NIN: variants seen among roughly 807,000 people sequenced by gnomAD.
NIN encodes the protein ninein.
A neutral mutation model predicts 257.6 loss-of-function variants in NIN; 137 were observed. The ratio of observed to expected loss-of-function variants is 0.53; its 90% CI spans 0.46 to 0.61. The LOEUF (loss-of-function observed/expected upper bound fraction) is 0.61, where lower values mean the gene tolerates loss of function less well. Among genes scored for constraint, NIN ranks in the 20% least tolerant of loss-of-function variants. The pLI is 0.00. For synonymous variants in NIN, 918 were observed against 919.8 expected (o/e 1.00, Z 0.04); for missense variants, 2,439 against 2,501.2 (o/e 0.98, Z 0.53).
At chr14:50,741,756 C>G (rs2041295553) in intron 24 of NIN, 28 bp from the exon 25 acceptor site, 1 of 1,607,814 alleles carries the variant, frequency 6.2e-7, no homozygotes, top group African/African-American at 1.3e-5. Flanking sequence ...TCTTTTACTG[C>G]TACACAAACT....
Position 50,777,088 on chromosome 14 carries a change from G to A in NIN, c.527C>T (p.Ser176Phe). 6.2e-7 allele frequency: 1 copy of A among 1,614,084 alleles called. No homozygotes were observed. Residue 176 changes from serine to phenylalanine, a missense_variant, in exon 7 of 31, where the codon TCT becomes TTT. Physicochemically the swap from Ser to Phe is radical, Grantham distance 155. Transcript: ENST00000530997. The stretch of plus-strand genomic sequence containing the variant: ...TTCTATCCAGTCTTGGGGAGGGGAA[G>A]ATCCACTCTGTGAAGCATTCAAGTC... Reference protein sequence around the residue: ...PDDLNASQSGSSPPQDWIEEK... With the variant: ...PDDLNASQSGFSPPQDWIEEK...
At chr14:50,759,557 G>C (rs907169027) in intron 17 of NIN, among the ~76,000 whole-genome samples, 9 of 151,140 alleles carry the variant, frequency 6.0e-5, no homozygotes, top group African/African-American at 9.8e-5. Context: ...GCAGTAGCGC[G>C]ATCTCGGCTC....
chr14:50,761,733 C>T lies in NIN; in HGVS notation c.1896+57G>A, dbSNP rs1204333422. Reference sequence around the variant, plus strand: ...AAAAGAATTGGAAATGCCCTACACACATAAGCCTGTCAGAGCCAAAAGAAA... The same window carrying T: ...AAAAGAATTGGAAATGCCCTACACATATAAGCCTGTCAGAGCCAAAAGAAA... On this transcript the variant is annotated intron_variant, in intron 16 of 30. Coordinates refer to ENST00000530997, the MANE Select transcript of NIN (RefSeq NM_020921.4). The T allele has an allele frequency of 2.5e-6, 4 of 1,602,496 alleles. No individual in the cohort carries two copies. The South Asian group carries it at 3.3e-5, about 13-fold the overall frequency.
At chr14:50,795,671 T>C (rs2043806988) in intron 4 of NIN, among the ~76,000 whole-genome samples, 1 of 152,232 alleles carries the variant, frequency 6.6e-6, no homozygotes, top group East Asian at 1.9e-4. Context: ...ATCTTATCTA[T>C]GTCAGATAAC....
rs1031012981 is a variant in NIN at position 50,814,485 on chromosome 14, G to A, written c.183+7389C>T. ...CCACCTTCATCACAGTCTTGTAAGG[G>A]AAATAGTCTTCCCATTACACTGATG... On this transcript the variant is annotated intron_variant, in intron 3 of 30. Coordinates refer to ENST00000530997, the MANE Select transcript of NIN (RefSeq NM_020921.4). 2.0e-5 allele frequency among the ~76,000 whole-genome samples: 3 copies of A among 152,284 alleles called. No homozygotes were observed. The South Asian group carries it at 6.2e-4, about 32-fold the overall frequency.
intron 12 of NIN, among the ~76,000 whole-genome samples, chr14:50,770,096 G>T (rs1415558877): frequency 6.6e-6 from 1 of 152,194 alleles, no homozygotes; most frequent in Non-Finnish European, 1.5e-5. Flanking sequence ...AGCAGCGGGA[G>T]GAATCAAGGG....
chr14:50,826,089 T>C (rs1281532556), intron 2 of NIN, among the ~76,000 whole-genome samples: 1 of 152,258 alleles, frequency 6.6e-6, no homozygotes, highest in East Asian at 1.9e-4. Context: ...CACTTAAGTA[T>C]GTATAATCTG....
chr14:50,740,443 G>C (rs534685362), intron 25 of NIN, among the ~76,000 whole-genome samples: 3 of 152,264 alleles, frequency 2.0e-5, no homozygotes, highest in Non-Finnish European at 2.9e-5. Context: ...AGCCCTCCCG[G>C]GTTCAAGCGA....
At chr14:50,808,941 C>T (rs1405976672) in intron 3 of NIN, among the ~76,000 whole-genome samples, 2 of 152,168 alleles carry the variant, frequency 1.3e-5, no homozygotes, top group East Asian at 3.9e-4. Context: ...AGGGCCATGG[C>T]CAGGCACAGT....
chr14:50,758,820 C>A lies in NIN; in HGVS notation c.2400-190G>T, dbSNP rs534621510. ...TCTCATTTCTGAAAGCTAAGACTGG[C>A]AGCCATAATTCATTTAAAAGACTTA... On this transcript the variant is annotated intron_variant, in intron 17 of 30. Transcript: ENST00000530997. Among the ~76,000 whole-genome samples, 1 of 152,290 alleles carries A rather than the reference C, an allele frequency of 6.6e-6. No homozygotes were observed. Among genetic ancestry groups the A allele is most frequent in the East Asian group, 1.9e-4 (1 of 5,180 alleles).
chr14:50,807,008 C>T (rs1248399215), intron 3 of NIN, among the ~76,000 whole-genome samples, 190 bp from the exon 4 acceptor site: 2 of 151,996 alleles, frequency 1.3e-5, no homozygotes, highest in Non-Finnish European at 2.9e-5. Context: ...CACCTCGTGC[C>T]GTAAACATTC....
In NIN at chr14:50,817,876, G is replaced by A. The variant is rs564235026; in HGVS notation, c.183+3998C>T. Among the ~76,000 whole-genome samples, 470 of 151,994 alleles carry A rather than the reference G, an allele frequency of 3.1e-3. 2 individuals are homozygous for A. Among genetic ancestry groups the A allele is most frequent in the Non-Finnish European group, 4.7e-3 (317 of 67,932 alleles). ...GATTACCGGCGCCCACTGCCACGCC[G>A]GCTAATTTTTTGTATTTTTAGCAGA... is the stretch of plus-strand genomic sequence containing the variant. On this transcript the variant is annotated intron_variant, in intron 3 of 30. Transcript: ENST00000530997.
At chr14:50,728,051 A>G (rs1383876158) in intron 29 of NIN, among the ~76,000 whole-genome samples, 3 of 141,052 alleles carry the variant, frequency 2.1e-5, no homozygotes, top group African/African-American at 7.9e-5. Context: ...ATCTGGTTGG[A>G]GGATTTTTTT....
intron 3 of NIN, among the ~76,000 whole-genome samples, chr14:50,818,959 T>C (rs1041170220): frequency 2.0e-5 from 3 of 152,182 alleles, no homozygotes; most frequent in African/African-American, 7.2e-5. Flanking sequence ...TACACAATGT[T>C]TGCATTCCTG....
intron 6 of NIN, among the ~76,000 whole-genome samples, chr14:50,778,273 G>A (rs2042996753): frequency 1.3e-5 from 2 of 152,306 alleles, no homozygotes; most frequent in Middle Eastern, 3.4e-3. Flanking sequence ...CAACTCTCGG[G>A]CTTAATGGAT....
intron 24 of NIN, chr14:50,742,007 G>A: frequency 3.1e-6 from 1 of 318,838 alleles, no homozygotes; most frequent in Non-Finnish European, 5.8e-6. Flanking sequence ...ACCAATGGGT[G>A]CCAACTGGCA....
At chr14:50,752,796 AAC>A in intron 20 of NIN, 63 bp from the exon 21 acceptor site, 2 of 895,978 alleles carry the variant, frequency 2.2e-6, no homozygotes, top group Non-Finnish European at 3.4e-6. Flanking sequence ...AAAAAAAAAA[AAC>A]AGATTTAGAG....
At chr14:50,785,571 A>G (rs753134312) in intron 5 of NIN, among the ~76,000 whole-genome samples, 8 of 152,218 alleles carry the variant, frequency 5.3e-5, no homozygotes, top group Non-Finnish European at 1.2e-4. Flanking sequence ...CTCCCCAAAC[A>G]AACTGAGCTG....
At chr14:50,798,597 T>C (rs1231092855) in intron 4 of NIN, among the ~76,000 whole-genome samples, 1 of 152,242 alleles carries the variant, frequency 6.6e-6, no homozygotes, top group Admixed American at 6.5e-5. Flanking sequence ...AGATCTCTGT[T>C]AGGATGCCTG....
Sources: gnomAD v4.1 joint callset for allele counts (sites outside exome capture counted in the v4.1 genomes callset) on GRCh38, gnomAD v4.1.1 for gene constraint, MANE v1.5 for transcripts, NCBI Gene and HGNC (gene_info 2026-07-23, HGNC 2026-07-21) for gene names.